The following ADAMTS17 variants were observed in gnomAD, a reference collection of about 807,000 sequenced individuals.
ADAMTS17 encodes A disintegrin and metalloproteinase with thrombospondin motifs 17.
In ADAMTS17, 113 loss-of-function variants were observed where a neutral mutation model predicts 141.5. That is an observed-to-expected ratio of 0.80 (90% CI 0.69 to 0.93). The LOEUF is 0.93. Ranked by LOEUF, ADAMTS17 falls within the 40% of genes least tolerant of loss-of-function variation. The pLI is 0.00. For missense variants in ADAMTS17, 1,659 were observed against 1,517.9 expected, an observed-to-expected ratio of 1.09 and a Z score of -1.54; for synonymous variants, 768 against 630.6, an observed-to-expected ratio of 1.22 and a Z score of -3.27.
At chr15:100,082,536 C>T (rs1340288218) in intron 15 of ADAMTS17, among the ~76,000 whole-genome samples, 1 of 152,050 alleles carries the variant, frequency 6.6e-6, no homozygotes, top group Non-Finnish European at 1.5e-5. Context: ...CAGGCACACA[C>T]CACCGTGTCT....
chr15:100,311,220 G>A (rs1034987621), intron 3 of ADAMTS17, among the ~76,000 whole-genome samples: 2 of 152,232 alleles, frequency 1.3e-5, no homozygotes, highest in Admixed American at 1.3e-4. Flanking sequence ...CTCTCCCTTG[G>A]AGGGAACATG....
At chr15:100,117,945 A>T (rs527808691) in intron 12 of ADAMTS17, among the ~76,000 whole-genome samples, 15 of 152,226 alleles carry the variant, frequency 9.9e-5, no homozygotes, top group Admixed American at 9.8e-4. Flanking sequence ...GCCAAATGTC[A>T]TCTGGACACA....
At chr15:99,983,015 T>C (rs1277593522) in intron 20 of ADAMTS17, among the ~76,000 whole-genome samples, 1 of 152,254 alleles carries the variant, frequency 6.6e-6, no homozygotes, top group Non-Finnish European at 1.5e-5. Context: ...GTGCAAATTA[T>C]TTCATGAAGT....
chr15:99,978,194 G>A (rs568247756), intron 20 of ADAMTS17, among the ~76,000 whole-genome samples: 38 of 152,296 alleles, frequency 2.5e-4, no homozygotes, highest in Middle Eastern at 3.4e-3. Flanking sequence ...CGTGGGAGGC[G>A]GTGGTGTCCC....
At chr15:99,994,514 A>G (rs1037851136) in intron 19 of ADAMTS17, among the ~76,000 whole-genome samples, 8 of 151,812 alleles carry the variant, frequency 5.3e-5, no homozygotes, top group Non-Finnish European at 1.0e-4. Flanking sequence ...GACAAATGTT[A>G]TTCCTGATAT....
intron 7 of ADAMTS17, among the ~76,000 whole-genome samples, chr15:100,252,648 A>G (rs1435260043): frequency 3.3e-5 from 5 of 152,050 alleles, no homozygotes; most frequent in Non-Finnish European, 7.4e-5. Context: ...CATGGCCCCA[A>G]CCTGACCTGG....
intron 18 of ADAMTS17, among the ~76,000 whole-genome samples, chr15:100,008,247 G>T (rs75739178): frequency 2.0e-5 from 3 of 152,046 alleles, no homozygotes; most frequent in Non-Finnish European, 4.4e-5. Flanking sequence ...AGTCGGAGGG[G>T]GTGTGTGGGG....
rs59312787 is a variant in ADAMTS17, at chr15:100,330,530, C to T, written c.616+359G>A. ...GGCTTTAGTTACTGCGGCCAGAACT[C>T]GGGAGCACTGTATTATTAAGAGTGA... On this transcript the variant is annotated intron_variant, in intron 3 of 21. Coordinates refer to ENST00000268070, the MANE Select transcript of ADAMTS17 (RefSeq NM_139057.4). Among the ~76,000 whole-genome samples, 920 of 152,272 alleles carry T rather than the reference C, an allele frequency of 6.0e-3. 8 individuals carry two copies. Among genetic ancestry groups the T allele is most frequent in the Middle Eastern group, 0.024 (7 of 294 alleles).
chr15:100,193,548 G>A (rs978067472), intron 8 of ADAMTS17, among the ~76,000 whole-genome samples: 4 of 152,178 alleles, frequency 2.6e-5, no homozygotes, highest in South Asian at 2.1e-4. Flanking sequence ...CCAATGTTGC[G>A]TCTTCCGCGG....
At chr15:100,085,023 C>A (rs2035005745) in intron 15 of ADAMTS17, among the ~76,000 whole-genome samples, 2 of 152,098 alleles carry the variant, frequency 1.3e-5, no homozygotes, top group Admixed American at 6.5e-5. Context: ...CAGAAGAAGG[C>A]TTCAAAAGAT....
intron 14 of ADAMTS17, among the ~76,000 whole-genome samples, chr15:100,101,444 A>T (rs1264287678): frequency 6.6e-6 from 1 of 152,226 alleles, no homozygotes; most frequent in Non-Finnish European, 1.5e-5. Flanking sequence ...CTGATGCAGG[A>T]ATAAACGAAA....
At chr15:100,247,860 C>T (rs1246581831) in intron 7 of ADAMTS17, among the ~76,000 whole-genome samples, 1 of 152,110 alleles carries the variant, frequency 6.6e-6, no homozygotes. Context: ...TTCCCAAACA[C>T]CACCGTCCTG....
chr15:100,333,141 C>T (rs1013844727), intron 2 of ADAMTS17, among the ~76,000 whole-genome samples: 5 of 152,188 alleles, frequency 3.3e-5, no homozygotes, highest in Non-Finnish European at 7.4e-5. Flanking sequence ...TAAATAAACC[C>T]CCTTCCCCGC....
At chr15:99,977,400 AATTT>A (rs1429959980) in intron 20 of ADAMTS17, among the ~76,000 whole-genome samples, 1 of 4,750 alleles carries the variant, frequency 2.1e-4, no homozygotes, top group African/African-American at 6.2e-4. Context: ...ATATATATAT[AATTT>A]TTTTTTTTTT....
chr15:100,011,648 C>G (rs1406935726), intron 18 of ADAMTS17, among the ~76,000 whole-genome samples: 1 of 152,140 alleles, frequency 6.6e-6, no homozygotes, highest in Non-Finnish European at 1.5e-5. Context: ...TTGCATTGAT[C>G]CTATAAAGAT....
chr15:100,341,119 G>A lies in ADAMTS17; in HGVS notation c.370C>T (p.Leu124=). ...AGCACACGGCCCGAGTAGAAGCACA[G>A]CTCGGCGGGGCGGCCGCGGCGCCGG... The part of the protein sequence containing the change: ...AARRRGRPAE[L]CFYSGRVLGH... The change falls in exon 2 of 22, where the codon CTG becomes TTG. Residue 124 remains leucine (L), a synonymous_variant. Transcript: ENST00000268070. 6.9e-7 allele frequency: 1 copy of A among 1,448,824 alleles called. No individual in the cohort carries two copies. The highest frequency in any genetic ancestry group is 1.4e-5 in the South Asian group (1 of 72,866). The allele number at this position is 1,448,824 out of a possible 1,614,324, so 89.7% of individuals were successfully genotyped here. A position where few individuals can be genotyped will look rare whatever the true frequency, so the allele number is the denominator to read the frequency against.
intron 18 of ADAMTS17, among the ~76,000 whole-genome samples, chr15:100,034,571 C>T (rs367881133): frequency 2.0e-5 from 3 of 152,236 alleles, no homozygotes; most frequent in Admixed American, 6.5e-5. Context: ...AGAAGGACCC[C>T]GCGTGTACAC....
chr15:100,018,621 G>T (rs1323051438), intron 18 of ADAMTS17, among the ~76,000 whole-genome samples: 1 of 152,154 alleles, frequency 6.6e-6, no homozygotes, highest in Non-Finnish European at 1.5e-5. Flanking sequence ...AGTTTCCTGA[G>T]GCCTCTCCAG....
At chr15:100,169,895 C>T (rs183877532) in intron 8 of ADAMTS17, among the ~76,000 whole-genome samples, 12 of 152,278 alleles carry the variant, frequency 7.9e-5, no homozygotes, top group South Asian at 2.1e-4. Flanking sequence ...AATGACACCT[C>T]TGTTCTCCGG....
Sources: gnomAD v4.1 joint callset for allele counts (sites outside exome capture counted in the v4.1 genomes callset) on GRCh38, gnomAD v4.1.1 for gene constraint, MANE v1.5 for transcripts, NCBI Gene and HGNC (gene_info 2026-07-23, HGNC 2026-07-21) for gene names.